Variants in KCNMA1 observed in about 807,000 individuals in gnomAD.
KCNMA1 encodes potassium calcium-activated channel subfamily M alpha 1.
A neutral mutation model predicts 140.0 loss-of-function variants in KCNMA1; 29 were observed. That is an observed-to-expected ratio of 0.21 (90% CI 0.15 to 0.28). KCNMA1 has a LOEUF of 0.28. Ranked by LOEUF, KCNMA1 falls within the 10% of genes least tolerant of loss-of-function variation. KCNMA1 has a pLI of 1.00. For missense variants in KCNMA1, 880 were observed against 1,602.2 expected, an observed-to-expected ratio of 0.55 and a Z score of 7.70; for synonymous variants, 612 against 611.9, an observed-to-expected ratio of 1.00 and a Z score of 0.00.
At chr10:77,504,494 T>C (rs2045102778) in intron 1 of KCNMA1, among the ~76,000 whole-genome samples, 1 of 152,136 alleles carries the variant, frequency 6.6e-6, no homozygotes, top group Non-Finnish European at 1.5e-5. Context: ...AAGAAGAAAC[T>C]TTTACCTCCT....
At chr10:77,392,439 G>A (rs1204723040) in intron 2 of KCNMA1, among the ~76,000 whole-genome samples, 1 of 152,160 alleles carries the variant, frequency 6.6e-6, no homozygotes. Flanking sequence ...CCTGTCCAAG[G>A]GACTGAGAGA....
chr10:76,929,046 T>C (rs1052962422), intron 23 of KCNMA1, among the ~76,000 whole-genome samples: 9 of 152,110 alleles, frequency 5.9e-5, no homozygotes, highest in African/African-American at 2.2e-4. Flanking sequence ...TACTTAATGC[T>C]CACAGAAATG....
chr10:77,126,794 T>C (rs1161873698), intron 5 of KCNMA1, among the ~76,000 whole-genome samples: 1 of 138,630 alleles, frequency 7.2e-6, no homozygotes, highest in Non-Finnish European at 1.5e-5. Flanking sequence ...TTGCCTCAAT[T>C]TGGGATACTT....
chr10:77,084,610 G>A (rs770506010), intron 12 of KCNMA1, 27 bp downstream of exon 12: 7 of 1,584,350 alleles, frequency 4.4e-6, no homozygotes, highest in African/African-American at 2.7e-5. Flanking sequence ...CCAAGCCCAG[G>A]GCCTTCCGCA....
intron 3 of KCNMA1, among the ~76,000 whole-genome samples, chr10:77,228,105 C>T (rs75050519): frequency 6.6e-6 from 1 of 151,896 alleles, no homozygotes; most frequent in Admixed American, 6.6e-5. Context: ...GCTGGGATTA[C>T]AGGCACGTGC....
At chr10:77,543,217 T>A (rs1475692164) in intron 1 of KCNMA1, among the ~76,000 whole-genome samples, 2 of 152,144 alleles carry the variant, frequency 1.3e-5, no homozygotes, top group Non-Finnish European at 2.9e-5. Context: ...TTAAATGTGG[T>A]CCTACCCAAA....
chr10:77,040,479 A>G (rs2094604881), intron 14 of KCNMA1, among the ~76,000 whole-genome samples: 1 of 152,228 alleles, frequency 6.6e-6, no homozygotes, highest in African/African-American at 2.4e-5. Context: ...GAAAATGTAT[A>G]CCTGTTCATA....
chr10:77,063,888 TG>T, intron 14 of KCNMA1: 1 of 985,442 alleles, frequency 1.0e-6, no homozygotes. Context: ...CTCAGACTGA[TG>T]CTTGGCCAGA....
intron 14 of KCNMA1, among the ~76,000 whole-genome samples, chr10:77,057,678 T>C (rs111487744): frequency 6.6e-6 from 1 of 151,924 alleles, no homozygotes; most frequent in Admixed American, 6.6e-5. Context: ...GGAATCCAAG[T>C]AGACTTAAAA....
At chr10:77,582,468 G>T (rs1282937668) in intron 1 of KCNMA1, among the ~76,000 whole-genome samples, 3 of 152,208 alleles carry the variant, frequency 2.0e-5, no homozygotes, top group East Asian at 3.8e-4. Context: ...TGCAAGCGGG[G>T]CTTAAAACCT....
intron 3 of KCNMA1, among the ~76,000 whole-genome samples, chr10:77,207,076 C>T (rs1224967250): frequency 6.6e-6 from 1 of 152,094 alleles, no homozygotes; most frequent in Non-Finnish European, 1.5e-5. Flanking sequence ...TTGACTTACA[C>T]TTAACCACAT....
chr10:77,276,094 T>C (rs1441933424), intron 2 of KCNMA1, among the ~76,000 whole-genome samples: 1 of 152,130 alleles, frequency 6.6e-6, no homozygotes, highest in Non-Finnish European at 1.5e-5. Flanking sequence ...AGTACCACAG[T>C]CCTCTCCGCT....
At chr10:77,156,763 C>T (rs2098489359) in intron 5 of KCNMA1, among the ~76,000 whole-genome samples, 1 of 152,190 alleles carries the variant, frequency 6.6e-6, no homozygotes, top group Admixed American at 6.5e-5. Context: ...GTTTTTCAGA[C>T]TTCTGGCATT....
At chr10:77,006,340 C>G (rs768328223) in intron 18 of KCNMA1, among the ~76,000 whole-genome samples, 1 of 152,076 alleles carries the variant, frequency 6.6e-6, no homozygotes. Context: ...AGGTCACAGC[C>G]TCACTTTTAA....
At chr10:77,553,093 G>A (rs950582866) in intron 1 of KCNMA1, among the ~76,000 whole-genome samples, 8 of 152,088 alleles carry the variant, frequency 5.3e-5, no homozygotes, top group African/African-American at 1.2e-4. Flanking sequence ...GTGGGGAGGC[G>A]GGGAGAAAGC....
At chr10:77,067,192 C>A (rs896196419) in intron 14 of KCNMA1, among the ~76,000 whole-genome samples, 1 of 152,170 alleles carries the variant, frequency 6.6e-6, no homozygotes, top group Admixed American at 6.5e-5. Context: ...AACCCTCAAC[C>A]CAACCCATGT....
chr10:77,025,881 C>A (rs1373204255), intron 16 of KCNMA1, among the ~76,000 whole-genome samples: 3 of 151,838 alleles, frequency 2.0e-5, no homozygotes, highest in African/African-American at 7.3e-5. Flanking sequence ...TCCACAAGAA[C>A]CAATGTGCTT....
intron 2 of KCNMA1, among the ~76,000 whole-genome samples, chr10:77,269,290 T>C (rs949076167): frequency 2.0e-5 from 3 of 152,226 alleles, no homozygotes; most frequent in Non-Finnish European, 2.9e-5. Flanking sequence ...CACAGGGTGA[T>C]GTTGAAATGG....
intron 1 of KCNMA1, among the ~76,000 whole-genome samples, chr10:77,500,241 T>C (rs2043377746): frequency 6.6e-6 from 1 of 150,722 alleles, no homozygotes; most frequent in South Asian, 2.1e-4. Flanking sequence ...TATATAGTAT[T>C]AACTATATGC....
Sources: gnomAD v4.1 joint callset for allele counts (sites outside exome capture counted in the v4.1 genomes callset) on GRCh38, gnomAD v4.1.1 for gene constraint, MANE v1.5 for transcripts, NCBI Gene and HGNC (gene_info 2026-07-23, HGNC 2026-07-21) for gene names.